DDC: variants seen among roughly 807,000 people sequenced by gnomAD.
The protein encoded by DDC is dopa decarboxylase, also known as aromatic-L-amino-acid decarboxylase.
A neutral mutation model predicts 60.0 loss-of-function variants in DDC; 43 were observed. The observed-to-expected ratio is 0.72, with a 90% CI of 0.56 to 0.92. DDC has a LOEUF of 0.92. DDC is among the 40% of genes least tolerant of loss of function. DDC has a pLI of 0.00. For missense variants in DDC, 573 were observed against 620.2 expected, an observed-to-expected ratio of 0.92 and a Z score of 0.81; for synonymous variants, 232 against 234.6, an observed-to-expected ratio of 0.99 and a Z score of 0.10.
At chr7:50,485,368 GA>G (rs1190572627) in intron 9 of DDC, among the ~76,000 whole-genome samples, 1 of 152,146 alleles carries the variant, frequency 6.6e-6, no homozygotes, top group East Asian at 1.9e-4. Flanking sequence ...GCCAGTTTCA[GA>G]AACTTCAATT....
At chr7:50,540,149 A>G (rs2044575820) in intron 2 of DDC, 121 bp from the exon 3 acceptor site, 1 of 735,204 alleles carries the variant, frequency 1.4e-6, no homozygotes, top group African/African-American at 1.7e-5. Context: ...GAGTTAGGTG[A>G]GTGCAGTTCC....
intron 6 of DDC, among the ~76,000 whole-genome samples, chr7:50,508,466 G>A (rs1037421175): frequency 3.9e-5 from 6 of 152,174 alleles, no homozygotes; most frequent in Admixed American, 2.6e-4. Flanking sequence ...CTGTGCTCAC[G>A]TAAGTGCCTC....
chr7:50,510,782 C>T (rs537183120), intron 6 of DDC, among the ~76,000 whole-genome samples: 5 of 151,496 alleles, frequency 3.3e-5, no homozygotes, highest in East Asian at 1.9e-4. Context: ...GAGATCGAGA[C>T]CATCCTGGCT....
chr7:50,503,274 C>T (rs2043302819), intron 7 of DDC, among the ~76,000 whole-genome samples: 1 of 152,242 alleles, frequency 6.6e-6, no homozygotes. Context: ...CCCCCTGAGC[C>T]AGTGTCCCTG....
intron 6 of DDC, among the ~76,000 whole-genome samples, chr7:50,511,914 C>A (rs1001644599): frequency 1.3e-5 from 2 of 151,938 alleles, no homozygotes; most frequent in African/African-American, 4.8e-5. Context: ...CCAACTACAT[C>A]AATAATTATT....
intron 6 of DDC, among the ~76,000 whole-genome samples, chr7:50,520,954 G>A (rs1483068131): frequency 3.3e-5 from 5 of 150,994 alleles, no homozygotes; most frequent in African/African-American, 1.2e-4. Flanking sequence ...TGCAATGTAA[G>A]CAGAAGAAAA....
At chr7:50,485,151 A>G (rs1231351367) in intron 9 of DDC, among the ~76,000 whole-genome samples, 2 of 152,204 alleles carry the variant, frequency 1.3e-5, no homozygotes, top group East Asian at 1.9e-4. Flanking sequence ...AAAACAGGCC[A>G]TCTTTTAAAT....
rs538393367 is a variant in DDC, at chr7:50,498,725, G to A, written c.876+423C>T. The stretch of plus-strand genomic sequence containing the variant: ...CATTTAAATGCATTGGTAGCTTCTC[G>A]TTCAATATTGGTTAAAGTGAATATC... On this transcript the variant is annotated intron_variant, in intron 8 of 14. Coordinates refer to ENST00000444124, the MANE Select transcript of DDC (RefSeq NM_001082971.2). Among the ~76,000 whole-genome samples, 194 of 152,306 alleles carry A rather than the reference G, an allele frequency of 1.3e-3. 1 individual carries two copies. Among genetic ancestry groups the A allele is most frequent in the South Asian group, 2.9e-3 (14 of 4,830 alleles).
chr7:50,560,829 A>C (rs887122775), intron 1 of DDC, among the ~76,000 whole-genome samples: 2 of 152,132 alleles, frequency 1.3e-5, no homozygotes, highest in Non-Finnish European at 2.9e-5. Flanking sequence ...AAGTTCCTGT[A>C]AACCCTGTGT....
chr7:50,480,149 C>T (rs527989481), intron 9 of DDC, among the ~76,000 whole-genome samples: 1 of 152,350 alleles, frequency 6.6e-6, no homozygotes, highest in South Asian at 2.1e-4. Context: ...TAGCTGGCAG[C>T]TGGGGTCTCC....
chr7:50,538,201 C>T (rs1585256180), intron 3 of DDC, among the ~76,000 whole-genome samples: 5 of 152,246 alleles, frequency 3.3e-5, no homozygotes, highest in Admixed American at 3.3e-4. Flanking sequence ...TCCACTGAGC[C>T]TCACTGCATG....
At chr7:50,560,870 C>G (rs2045329474) in intron 1 of DDC, 1 of 152,202 alleles carries the variant, frequency 6.6e-6, no homozygotes, top group South Asian at 2.1e-4. Flanking sequence ...TCAGCTGTCC[C>G]TGTCAGCCGA....
chr7:50,555,129 C>T (rs1043846919), intron 1 of DDC, among the ~76,000 whole-genome samples: 6 of 152,050 alleles, frequency 3.9e-5, no homozygotes, highest in African/African-American at 9.7e-5. Flanking sequence ...TCAGGCTTGC[C>T]GGGTCAGCAG....
At chr7:50,525,853 A>G (rs1444035236) in intron 6 of DDC, among the ~76,000 whole-genome samples, 3 of 152,122 alleles carry the variant, frequency 2.0e-5, no homozygotes, top group Admixed American at 6.6e-5. Flanking sequence ...ATAGCTAAAG[A>G]GATTAATTGG....
chr7:50,537,649 T>C (rs2044463902), intron 4 of DDC, among the ~76,000 whole-genome samples: 1 of 152,188 alleles, frequency 6.6e-6, no homozygotes, highest in African/African-American at 2.4e-5. Flanking sequence ...TGCCCTGCCC[T>C]GGGGAAGCGA....
In DDC at chr7:50,476,618, AC is replaced by A; in HGVS notation, c.1041+5del. ...ATTTGAGATTACAGTGGAATCTCCC[AC>A]TTACCCGGTAGTCAGTGATAAGCCC... On this transcript the variant is annotated splice_donor_5th_base_variant and intron_variant, in intron 11 of 14. Transcript: ENST00000444124. 1 of 1,612,024 alleles carries A rather than the reference AC, an allele frequency of 6.2e-7. No individual in the cohort carries two copies. Among genetic ancestry groups the A allele is most frequent in the Non-Finnish European group, 8.5e-7 (1 of 1,178,366 alleles).
chr7:50,461,743 T>C (rs1489102881), intron 14 of DDC, among the ~76,000 whole-genome samples: 2 of 152,198 alleles, frequency 1.3e-5, no homozygotes, highest in Non-Finnish European at 2.9e-5. Context: ...CTGAGAGCAA[T>C]GGAATAACTT....
At chr7:50,510,435 A>C (rs1184928268) in intron 6 of DDC, among the ~76,000 whole-genome samples, 2 of 152,236 alleles carry the variant, frequency 1.3e-5, no homozygotes, top group African/African-American at 4.8e-5. Context: ...TTGGGAGGCC[A>C]AGGCTGGCAG....
intron 6 of DDC, among the ~76,000 whole-genome samples, chr7:50,521,796 TTGA>T (rs1363797581): frequency 2.0e-5 from 3 of 152,148 alleles, no homozygotes; most frequent in Non-Finnish European, 2.9e-5. Context: ...AACATCATAC[TTGA>T]TGAATGAAAA....
Sources: allele counts gnomAD v4.1 joint callset (sites outside exome capture counted in the v4.1 genomes callset), GRCh38; gene constraint gnomAD v4.1.1; transcripts MANE v1.5; gene names NCBI Gene and HGNC (gene_info 2026-07-23, HGNC 2026-07-21).